The following DTWD2 variants were observed in gnomAD, a reference collection of about 807,000 sequenced individuals.
DTWD2 encodes tRNA-uridine aminocarboxypropyltransferase 2.
DTWD2 carries 39 observed loss-of-function variants against 31.8 expected under a neutral mutation model. The observed-to-expected ratio is 1.22, with a 90% CI of 0.95 to 1.60. DTWD2 has a LOEUF of 1.60. DTWD2 is among the 40% of genes most tolerant of loss of function. The pLI, the probability that DTWD2 is intolerant of heterozygous loss-of-function variation, is 0.00. For synonymous variants in DTWD2, 180 were observed against 142.8 expected (o/e 1.26, Z -1.86); for missense variants, 515 against 381.5 (o/e 1.35, Z -2.92).
At chr5:118,982,802 C>A (rs940255956) in intron 1 of DTWD2, among the ~76,000 whole-genome samples, 6 of 151,160 alleles carry the variant, frequency 4.0e-5, no homozygotes, top group African/African-American at 1.5e-4. Flanking sequence ...GATTCTCCTG[C>A]CTCAGCCTCC....
At chr5:118,935,365 G>C (rs1400068509) in intron 3 of DTWD2, among the ~76,000 whole-genome samples, 1 of 152,162 alleles carries the variant, frequency 6.6e-6, no homozygotes, top group East Asian at 1.9e-4. Flanking sequence ...CCTGAGGCCC[G>C]GACTTGCCAA....
chr5:118,959,584 G>T (rs1754662978), intron 1 of DTWD2, among the ~76,000 whole-genome samples: 1 of 152,084 alleles, frequency 6.6e-6, no homozygotes, highest in Admixed American at 6.6e-5. Context: ...ATTCTTCACA[G>T]AATTAGAAAA....
chr5:118,855,258 C>G (rs1430613458), intron 4 of DTWD2, among the ~76,000 whole-genome samples: 2 of 143,144 alleles, frequency 1.4e-5, no homozygotes, highest in African/African-American at 2.6e-5. Flanking sequence ...TTTACCGCAA[C>G]TTCTTGTAAT....
chr5:118,985,653 C>T (rs1580458354), intron 1 of DTWD2, among the ~76,000 whole-genome samples: 1 of 151,646 alleles, frequency 6.6e-6, no homozygotes. Context: ...TACTCCACGA[C>T]GGCCTAATTT....
intron 1 of DTWD2, among the ~76,000 whole-genome samples, chr5:118,977,630 G>C (rs1174963717): frequency 6.6e-6 from 1 of 152,148 alleles, no homozygotes; most frequent in Admixed American, 6.5e-5. Flanking sequence ...GAGCTAACAA[G>C]GGAAGTGAAG....
intron 4 of DTWD2, among the ~76,000 whole-genome samples, chr5:118,849,177 G>C (rs115908878): frequency 0.026 from 3,937 of 151,938 alleles, 85 homozygotes; most frequent in Admixed American, 0.045. Flanking sequence ...ACAAATTTAC[G>C]AGAAAAAAGG....
chr5:118,886,823 T>C (rs887215855), intron 4 of DTWD2, among the ~76,000 whole-genome samples: 4 of 152,120 alleles, frequency 2.6e-5, no homozygotes, highest in African/African-American at 4.8e-5. Flanking sequence ...AAAAGCTAGA[T>C]GGGGATTTTT....
At chr5:118,844,579 C>T (rs2112670122) in intron 5 of DTWD2, among the ~76,000 whole-genome samples, 1 of 152,314 alleles carries the variant, frequency 6.6e-6, no homozygotes, top group South Asian at 2.1e-4. Context: ...TATGAGGTAA[C>T]ATTTTGTATA....
intron 1 of DTWD2, among the ~76,000 whole-genome samples, chr5:118,976,661 AG>A (rs1381840928): frequency 1.3e-5 from 2 of 152,246 alleles, no homozygotes; most frequent in African/African-American, 4.8e-5. Flanking sequence ...ATCCCTGAAT[AG>A]ACCGATAACA....
At chr5:118,873,470 G>T (rs1030448362) in intron 4 of DTWD2, among the ~76,000 whole-genome samples, 1 of 152,176 alleles carries the variant, frequency 6.6e-6, no homozygotes, top group South Asian at 2.1e-4. Flanking sequence ...CTTCAGCAGG[G>T]CGGCTCCTAC....
intron 1 of DTWD2, among the ~76,000 whole-genome samples, chr5:118,964,584 C>T (rs1254756030): frequency 6.6e-6 from 1 of 152,222 alleles, no homozygotes; most frequent in Non-Finnish European, 1.5e-5. Context: ...CGATTGCAGG[C>T]GCGTGCCGCC....
intron 1 of DTWD2, among the ~76,000 whole-genome samples, chr5:118,963,404 T>G (rs970750859): frequency 2.0e-5 from 3 of 152,010 alleles, no homozygotes; most frequent in African/African-American, 7.2e-5. Context: ...AGCACCTGTT[T>G]TGGGGGAGCA....
At chr5:118,945,720 G>T (rs1464589207) in intron 1 of DTWD2, among the ~76,000 whole-genome samples, 1 of 150,312 alleles carries the variant, frequency 6.7e-6, no homozygotes, top group Non-Finnish European at 1.5e-5. Context: ...AGCCAGGATT[G>T]TGCCACTGCA....
At chr5:118,975,194 C>A (rs1326301226) in intron 1 of DTWD2, among the ~76,000 whole-genome samples, 1 of 152,166 alleles carries the variant, frequency 6.6e-6, no homozygotes, top group Non-Finnish European at 1.5e-5. Flanking sequence ...TTCACATAGT[C>A]CCATATTTCT....
At chr5:118,904,213 A>G (rs1428825161) in intron 4 of DTWD2, among the ~76,000 whole-genome samples, 1 of 152,144 alleles carries the variant, frequency 6.6e-6, no homozygotes, top group African/African-American at 2.4e-5. Flanking sequence ...GATATAAAAT[A>G]TACACATGTT....
intron 5 of DTWD2, among the ~76,000 whole-genome samples, chr5:118,842,732 A>T (rs149828596): frequency 1.2e-4 from 18 of 151,872 alleles, no homozygotes; most frequent in African/African-American, 4.3e-4. Flanking sequence ...CAGCAGTTTG[A>T]GACCAGCCCA....
At chr5:118,895,960 ATTTTC>A (rs972970398) in intron 4 of DTWD2, among the ~76,000 whole-genome samples, 9 of 152,152 alleles carry the variant, frequency 5.9e-5, no homozygotes, top group African/African-American at 2.2e-4. Flanking sequence ...ATACAAAACT[ATTTTC>A]TTTTCTAATA....
At chr5:118,900,839 G>C (rs1753189722) in intron 4 of DTWD2, among the ~76,000 whole-genome samples, 1 of 151,756 alleles carries the variant, frequency 6.6e-6, no homozygotes, top group African/African-American at 2.4e-5. Context: ...GCAGGAGAAT[G>C]GGGTGAACCC....
At chr5:118,964,694 G>A (rs548017807) in intron 1 of DTWD2, among the ~76,000 whole-genome samples, 5 of 152,308 alleles carry the variant, frequency 3.3e-5, no homozygotes, top group Admixed American at 6.5e-5. Flanking sequence ...TGCCAGCCTC[G>A]GCCTCCCGAG....
Sources: gnomAD v4.1 joint callset for allele counts (sites outside exome capture counted in the v4.1 genomes callset) on GRCh38, gnomAD v4.1.1 for gene constraint, MANE v1.5 for transcripts, NCBI Gene and HGNC (gene_info 2026-07-23, HGNC 2026-07-21) for gene names.